ATP1B3: variants seen among roughly 807,000 people sequenced by gnomAD.
ATP1B3 encodes the protein sodium/potassium-transporting ATPase subunit beta-3.
In ATP1B3, 10 loss-of-function variants were observed where a neutral mutation model predicts 30.2. The observed-to-expected ratio is 0.33, with a 90% CI of 0.20 to 0.56. The LOEUF (loss-of-function observed/expected upper bound fraction) is 0.56, where lower values mean the gene tolerates loss of function less well. ATP1B3 is among the 20% of genes least tolerant of loss of function. ATP1B3 has a pLI of 0.90. For synonymous variants in ATP1B3, 113 were observed against 117.0 expected (o/e 0.97, Z 0.22); for missense variants, 238 against 336.7 (o/e 0.71, Z 2.29).
chr3:141,883,384 G>A (rs1198851896), intron 1 of ATP1B3, among the ~76,000 whole-genome samples: 1 of 152,136 alleles, frequency 6.6e-6, no homozygotes, highest in African/African-American at 2.4e-5. Context: ...ATCAGACTTT[G>A]ATAATGACCT....
chr3:141,899,962 T>C (rs1464327725), intron 1 of ATP1B3, among the ~76,000 whole-genome samples: 1 of 152,110 alleles, frequency 6.6e-6, no homozygotes, highest in Non-Finnish European at 1.5e-5. Flanking sequence ...GCCGAGGATT[T>C]TGAGGATGCA....
At chr3:141,924,465 A>G (rs961502206) in intron 6 of ATP1B3, among the ~76,000 whole-genome samples, 4 of 151,632 alleles carry the variant, frequency 2.6e-5, no homozygotes, top group African/African-American at 9.7e-5. Context: ...TTCAGTAGCA[A>G]TGGCAAAGCC....
chr3:141,902,265 A>C, intron 1 of ATP1B3: 1 of 1,233,680 alleles, frequency 8.1e-7, no homozygotes, highest in Non-Finnish European at 1.1e-6. Flanking sequence ...AGTCTAAATT[A>C]TAAAATGAAA....
At chr3:141,909,466 T>C (rs949124063) in intron 3 of ATP1B3, among the ~76,000 whole-genome samples, 2 of 152,046 alleles carry the variant, frequency 1.3e-5, no homozygotes, top group Admixed American at 6.6e-5. Flanking sequence ...TTGGGAAGGA[T>C]TGTGGTTTTT....
At chr3:141,912,345 C>T (rs1344034279) in intron 3 of ATP1B3, among the ~76,000 whole-genome samples, 1 of 152,018 alleles carries the variant, frequency 6.6e-6, no homozygotes, top group African/African-American at 2.4e-5. Context: ...CAACCTCCGC[C>T]CTCTGAGTTC....
intron 1 of ATP1B3, among the ~76,000 whole-genome samples, chr3:141,889,168 C>A (rs556594158): frequency 1.3e-5 from 2 of 152,204 alleles, no homozygotes; most frequent in East Asian, 3.9e-4. Flanking sequence ...AAGTCTGCCC[C>A]CCATGATTCA....
At chr3:141,914,297 T>C (rs559613509) in intron 4 of ATP1B3, among the ~76,000 whole-genome samples, 1 of 152,332 alleles carries the variant, frequency 6.6e-6, no homozygotes, top group Admixed American at 6.5e-5. Flanking sequence ...TATCAGTATA[T>C]ATATATGTAA....
intron 1 of ATP1B3, among the ~76,000 whole-genome samples, chr3:141,881,229 A>G (rs937790062): frequency 6.6e-6 from 1 of 151,670 alleles, no homozygotes; most frequent in African/African-American, 2.4e-5. Context: ...GAAAAGAAAA[A>G]CCAACTATGC....
At chr3:141,902,719 T>C (rs959437936) in intron 1 of ATP1B3, among the ~76,000 whole-genome samples, 1 of 152,192 alleles carries the variant, frequency 6.6e-6, no homozygotes, top group African/African-American at 2.4e-5. Flanking sequence ...GCTTTGTGCT[T>C]AGCAGTAGAG....
chr3:141,881,115 A>G (rs1370327928), intron 1 of ATP1B3, among the ~76,000 whole-genome samples: 1 of 151,120 alleles, frequency 6.6e-6, no homozygotes, highest in Non-Finnish European at 1.5e-5. Context: ...AGGCAGGAGA[A>G]TTGCTTGAAC....
Position 141,876,813 on chromosome 3 carries a change from C to T in ATP1B3, c.12C>T (p.Asn4=), listed in dbSNP as rs375562362. 1.8e-5 allele frequency: 28 copies of T among 1,589,966 alleles called. 1 individual carries two copies. The Middle Eastern group carries it at 8.4e-4, about 48-fold the overall frequency. Residue 4 remains asparagine (N), a synonymous_variant, in exon 1 of 7, where the codon AAC becomes AAT. Transcript: ENST00000286371. MTK[N]EKKSLNQSLA... The stretch of plus-strand genomic sequence containing the variant: ...TCCGCGCGCACACCATGACGAAGAA[C>T]GAGAAGAAGTCCCTCAACCAGAGCC...
At chr3:141,892,651 C>CAAAAAAAAAAAAAAAA (rs386398103) in intron 1 of ATP1B3, among the ~76,000 whole-genome samples, 1 of 70,014 alleles carries the variant, frequency 1.4e-5, no homozygotes, top group Non-Finnish European at 2.6e-5. Context: ...GAGACTGTCT[C>CAAAAAAAAAAAAAAAA]AAAAAAAAAA....
intron 4 of ATP1B3, among the ~76,000 whole-genome samples, chr3:141,914,813 C>T (rs1259995538): frequency 6.6e-6 from 1 of 152,182 alleles, no homozygotes; most frequent in Non-Finnish European, 1.5e-5. Flanking sequence ...CTGAGGTGCC[C>T]AGACTGACAC....
chr3:141,908,926 G>A (rs988922062), intron 3 of ATP1B3, among the ~76,000 whole-genome samples: 1 of 152,160 alleles, frequency 6.6e-6, no homozygotes, highest in African/African-American at 2.4e-5. Context: ...CTGACTGGGG[G>A]CTGCCCTTCC....
intron 1 of ATP1B3, among the ~76,000 whole-genome samples, chr3:141,897,698 GGTTTTT>G (rs773933063): frequency 1.3e-5 from 2 of 151,922 alleles, no homozygotes; most frequent in African/African-American, 4.8e-5. Flanking sequence ...ATGTTCATCG[GGTTTTT>G]GTTTTTGTTT....
chr3:141,890,292 T>C (rs28846167), intron 1 of ATP1B3, among the ~76,000 whole-genome samples: 8,272 of 36,288 alleles, frequency 0.23, 1,198 homozygotes, highest in African/African-American at 0.26. Context: ...GGGCTTTTTT[T>C]TTTTTTTTTT....
intron 3 of ATP1B3, among the ~76,000 whole-genome samples, chr3:141,910,781 C>CA (rs533235317): frequency 2.0e-5 from 3 of 149,674 alleles, no homozygotes; most frequent in African/African-American, 7.5e-5. Context: ...CCCTGCCCCC[C>CA]CCTTTTTTTT....
chr3:141,898,564 A>G (rs1325575626), intron 1 of ATP1B3, among the ~76,000 whole-genome samples: 4 of 152,242 alleles, frequency 2.6e-5, no homozygotes, highest in Admixed American at 6.5e-5. Flanking sequence ...ACTACATTGT[A>G]TCCACTAGGA....
At chr3:141,915,664 G>C (rs569881510) in intron 4 of ATP1B3, among the ~76,000 whole-genome samples, 1 of 152,246 alleles carries the variant, frequency 6.6e-6, no homozygotes, top group East Asian at 1.9e-4. Flanking sequence ...TTAATAATTA[G>C]ATTTAAGGGT....
Sources: allele counts gnomAD v4.1 joint callset (sites outside exome capture counted in the v4.1 genomes callset), GRCh38; gene constraint gnomAD v4.1.1; transcripts MANE v1.5; gene names NCBI Gene and HGNC (gene_info 2026-07-23, HGNC 2026-07-21).